The following CALD1 variants were observed in gnomAD, a reference collection of about 807,000 sequenced individuals.
The protein encoded by CALD1 is caldesmon 1, also known as caldesmon.
CALD1 carries 33 observed loss-of-function variants against 99.9 expected under a neutral mutation model. The ratio of observed to expected loss-of-function variants is 0.33; its 90% CI spans 0.25 to 0.44. The LOEUF is 0.44. CALD1 is among the 20% of genes least tolerant of loss of function. CALD1 has a pLI of 1.00. For synonymous variants in CALD1, 310 were observed against 325.0 expected (o/e 0.95, Z 0.50); for missense variants, 861 against 962.1 (o/e 0.89, Z 1.39).
chr7:134,800,792 T>C (rs1398394748), intron 1 of CALD1, among the ~76,000 whole-genome samples: 1 of 152,028 alleles, frequency 6.6e-6, no homozygotes, highest in Non-Finnish European at 1.5e-5. Context: ...ATTTTAAAAA[T>C]ACTTGCTTAA....
At chr7:134,810,511 G>C (rs1798312547) in intron 1 of CALD1, among the ~76,000 whole-genome samples, 1 of 152,152 alleles carries the variant, frequency 6.6e-6, no homozygotes, top group South Asian at 2.1e-4. Context: ...CCTGGGACAA[G>C]AGTGTCCCCT....
chr7:134,942,749 A>G lies in CALD1; in HGVS notation c.1532+1512A>G, dbSNP rs372783949. Among the ~76,000 whole-genome samples the G allele has an allele frequency of 1.6e-3, 240 of 152,372 alleles. 2 individuals are homozygous for G. The highest frequency in any genetic ancestry group is 5.3e-3 in the African/African-American group (221 of 41,592). ...ATAGTTTAAAAGATGTCTTGTAAAC[A>G]TAAGGTTCTTTTAAGGTATAAGTTT... is the stretch of plus-strand genomic sequence containing the variant. On this transcript the variant is annotated intron_variant, in intron 7 of 14. Coordinates refer to ENST00000361675, the MANE Select transcript of CALD1 (RefSeq NM_033138.4).
At chr7:134,711,759 T>C in the CALD1 span, among the ~76,000 whole-genome samples, 1 of 150,418 alleles carries the variant, frequency 6.6e-6, no homozygotes, top group African/African-American at 2.5e-5. Flanking sequence ...TCTCTCTCCA[T>C]ATATATCCTA....
At chr7:134,784,695 C>T (rs1056693004) in intron 1 of CALD1, among the ~76,000 whole-genome samples, 5 of 152,074 alleles carry the variant, frequency 3.3e-5, no homozygotes, top group African/African-American at 7.2e-5. Flanking sequence ...CACAGATTAA[C>T]GAACGGATGA....
intron 3 of CALD1, among the ~76,000 whole-genome samples, chr7:134,896,940 A>G (rs954069777): frequency 2.0e-5 from 3 of 152,190 alleles, no homozygotes; most frequent in African/African-American, 7.2e-5. Flanking sequence ...CCTTGGGTTT[A>G]AAAAGGTGGT....
intron 1 of CALD1, among the ~76,000 whole-genome samples, chr7:134,831,140 T>C (rs1301008917): frequency 6.6e-6 from 1 of 152,070 alleles, no homozygotes; most frequent in South Asian, 2.1e-4. Context: ...GTTTTAAAAA[T>C]TGTGTAAAAA....
In CALD1 at chr7:134,754,298, G is replaced by C. The variant is rs139047981; in HGVS notation, c.-130+9935G>C. ...GACCATCTTCTTTAGGTAAACCTAAGTGTGTATTATAAATGTTAGCATTGG... is the reference window on the plus strand; with the variant it reads ...GACCATCTTCTTTAGGTAAACCTAACTGTGTATTATAAATGTTAGCATTGG... On this transcript the variant is annotated intron_variant, in intron 1 of 13. Transcript: ENST00000417172. Among the ~76,000 whole-genome samples the C allele has an allele frequency of 1.5e-3, 222 of 152,310 alleles. 2 individuals are homozygous for C. Among genetic ancestry groups the C allele is most frequent in the Non-Finnish European group, 2.3e-3 (158 of 68,030 alleles).
intron 6 of CALD1, among the ~76,000 whole-genome samples, chr7:134,936,016 T>C (rs966736930): frequency 1.3e-5 from 2 of 152,206 alleles, no homozygotes; most frequent in African/African-American, 2.4e-5. Flanking sequence ...AAGTATTGCA[T>C]TGTCAGGTAA....
intron 2 of CALD1, among the ~76,000 whole-genome samples, chr7:134,860,556 A>G (rs1800519729): frequency 6.6e-6 from 1 of 152,258 alleles, no homozygotes; most frequent in South Asian, 2.1e-4. Context: ...GGTAAAATCT[A>G]GAATAGAAAT....
At chr7:134,873,444 A>T (rs1448369660) in intron 3 of CALD1, among the ~76,000 whole-genome samples, 1 of 152,162 alleles carries the variant, frequency 6.6e-6, no homozygotes, top group Non-Finnish European at 1.5e-5. Context: ...CATCACCAGG[A>T]AATACATACT....
intron 10 of CALD1, 29 bp downstream of exon 10, chr7:134,958,141 T>C (rs1807914116): frequency 6.2e-7 from 1 of 1,607,858 alleles, no homozygotes; most frequent in African/African-American, 1.3e-5. Flanking sequence ...TCAATTGAGC[T>C]AATCAGCTAG....
At chr7:134,859,314 G>T (rs75439744) in intron 2 of CALD1, among the ~76,000 whole-genome samples, 10 of 152,146 alleles carry the variant, frequency 6.6e-5, no homozygotes, top group Non-Finnish European at 1.3e-4. Flanking sequence ...GCAAGTCTAC[G>T]CATTTTTTCT....
chr7:134,796,055 T>C (rs1797733049), intron 1 of CALD1, among the ~76,000 whole-genome samples: 1 of 152,248 alleles, frequency 6.6e-6, no homozygotes, highest in Admixed American at 6.5e-5. Context: ...ACAACGGCTC[T>C]TTCCATGGGA....
At chr7:134,775,556 A>G (rs1196061059), upstream of CALD1, among the ~76,000 whole-genome samples, 1 of 152,076 alleles carries the variant, frequency 6.6e-6, no homozygotes, top group East Asian at 1.9e-4. Flanking sequence ...CTAAAAATAC[A>G]AAAAATTAGC....
chr7:134,937,666 CAACT>C (rs1806096043), intron 6 of CALD1, among the ~76,000 whole-genome samples: 1 of 149,528 alleles, frequency 6.7e-6, no homozygotes, highest in Admixed American at 6.6e-5. Flanking sequence ...AGAAAGAAAG[CAACT>C]AACTAAAACC....
Position 134,960,519 on chromosome 7 carries a change from T to G in CALD1, c.2200-14T>G. The G allele has an allele frequency of 6.5e-7, 1 of 1,531,672 alleles. No individual in the cohort carries two copies. The highest frequency in any genetic ancestry group is 9.0e-7 in the Non-Finnish European group (1 of 1,107,078). 94.9% of individuals were successfully genotyped at this position (1,531,672 alleles called of 1,614,324 possible). A position where few individuals can be genotyped will look rare whatever the true frequency, so the allele number is the denominator to read the frequency against. ...CTTCATTCTTTAATATTTTGGATGA[T>G]TGCCCCTTTGTAGGAAACTGCTGGC... is the stretch of plus-strand genomic sequence containing the variant. On this transcript the variant is annotated splice_polypyrimidine_tract_variant and intron_variant, in intron 12 of 14. Transcript: ENST00000361675.
At chr7:134,920,076 A>G (rs1804501162) in intron 3 of CALD1, among the ~76,000 whole-genome samples, 1 of 152,226 alleles carries the variant, frequency 6.6e-6, no homozygotes, top group African/African-American at 2.4e-5. Flanking sequence ...AGAGCCTGGA[A>G]TGTTTCTATA....
At chr7:134,889,302 G>A (rs1177807581) in intron 3 of CALD1, among the ~76,000 whole-genome samples, 1 of 152,080 alleles carries the variant, frequency 6.6e-6, no homozygotes, top group Admixed American at 6.5e-5. Context: ...ACATTCCCAG[G>A]CTCTTGGACC....
At chr7:134,746,381 T>C (rs78677687) in intron 1 of CALD1, among the ~76,000 whole-genome samples, 4,068 of 152,308 alleles carry the variant, frequency 0.027, 170 homozygotes, top group African/African-American at 0.093. Context: ...CCTCCAGAGC[T>C]GTGAGAAATA....
Sources: gnomAD v4.1 joint callset for allele counts (sites outside exome capture counted in the v4.1 genomes callset) on GRCh38, gnomAD v4.1.1 for gene constraint, MANE v1.5 for transcripts, NCBI Gene and HGNC (gene_info 2026-07-23, HGNC 2026-07-21) for gene names.